The following WDR72 variants were observed in gnomAD, a reference collection of about 807,000 sequenced individuals.
The protein encoded by WDR72 is WD repeat-containing protein 72.
In WDR72, 120 loss-of-function variants were observed where a neutral mutation model predicts 124.2. That is an observed-to-expected ratio of 0.97 (90% CI 0.83 to 1.12). The LOEUF is 1.12. Ranked by LOEUF, WDR72 falls within the 50% of genes most tolerant of loss-of-function variation. The pLI, the probability that WDR72 is intolerant of heterozygous loss-of-function variation, is 0.00. For missense variants in WDR72, 1,387 were observed against 1,278.8 expected (o/e 1.08, Z -1.29); for synonymous variants, 452 against 441.7 (o/e 1.02, Z -0.29).
At chr15:53,568,917 C>T (rs1906430) in intron 18 of WDR72, among the ~76,000 whole-genome samples, 15,386 of 151,818 alleles carry the variant, frequency 0.1, 1,024 homozygotes, top group African/African-American at 0.18. Flanking sequence ...AAGAATGGTA[C>T]GATATATACT....
chr15:53,675,362 A>G (rs1170307823), intron 13 of WDR72, among the ~76,000 whole-genome samples: 3 of 151,318 alleles, frequency 2.0e-5, no homozygotes, highest in Non-Finnish European at 4.4e-5. Flanking sequence ...AAAAAAATCT[A>G]CTATGACTAA....
At chr15:53,582,239 A>C (rs2011967085) in intron 18 of WDR72, among the ~76,000 whole-genome samples, 1 of 151,932 alleles carries the variant, frequency 6.6e-6, no homozygotes, top group African/African-American at 2.4e-5. Flanking sequence ...GAAAGAGACA[A>C]CTCGGCTAAG....
chr15:53,755,824 T>A (rs1337642227), intron 1 of WDR72, among the ~76,000 whole-genome samples: 1 of 152,180 alleles, frequency 6.6e-6, no homozygotes, highest in Non-Finnish European at 1.5e-5. Context: ...GGAAGTCCAA[T>A]TACTGAAACA....
chr15:53,591,780 T>A (rs1372004643), intron 18 of WDR72, among the ~76,000 whole-genome samples: 2 of 151,858 alleles, frequency 1.3e-5, no homozygotes, highest in Non-Finnish European at 2.9e-5. Context: ...GCCATTTACA[T>A]CTTGTTTTCT....
chr15:53,692,519 A>G (rs2016876550), intron 13 of WDR72, among the ~76,000 whole-genome samples: 1 of 152,206 alleles, frequency 6.6e-6, no homozygotes, highest in African/African-American at 2.4e-5. Context: ...TTTATGTAAT[A>G]TAGAATAAAA....
At chr15:53,650,043 G>A (rs2015176643) in intron 14 of WDR72, among the ~76,000 whole-genome samples, 1 of 152,098 alleles carries the variant, frequency 6.6e-6, no homozygotes, top group Non-Finnish European at 1.5e-5. Context: ...TAATCTAAAA[G>A]TTCATTAGCA....
chr15:53,679,630 A>G (rs1431333190), intron 13 of WDR72, among the ~76,000 whole-genome samples: 1 of 152,198 alleles, frequency 6.6e-6, no homozygotes, highest in Non-Finnish European at 1.5e-5. Context: ...CTTGGCAGTG[A>G]GGTATAGGAA....
At position 53,513,790 on chromosome 15, in the gene WDR72, A is replaced by G. The variant is rs1394424018; in HGVS notation, c.*3909T>C. ...ATATTTATAAAAATTAAATTACTGCAAAAACTCCACAACATCAACATTTTA... is the reference window on the plus strand; with the variant it reads ...ATATTTATAAAAATTAAATTACTGCGAAAACTCCACAACATCAACATTTTA... On this transcript the variant is annotated 3_prime_UTR_variant, in exon 20 of 20. Transcript: ENST00000360509. 1 of 152,186 alleles carries G rather than the reference A, an allele frequency of 6.6e-6. No homozygotes were observed. Among genetic ancestry groups the G allele is most frequent in the Admixed American group, 6.5e-5 (1 of 15,278 alleles). The allele number at this position is 152,186 out of a possible 1,614,324, so 9.4% of individuals were successfully genotyped here.
At chr15:53,647,998 A>G (rs2015103137) in intron 14 of WDR72, among the ~76,000 whole-genome samples, 1 of 152,102 alleles carries the variant, frequency 6.6e-6, no homozygotes, top group Admixed American at 6.6e-5. Context: ...TCTCATGCTT[A>G]CGTGCATTAT....
chr15:53,518,422 T>G (rs1293463480), intron 19 of WDR72, among the ~76,000 whole-genome samples: 1 of 151,386 alleles, frequency 6.6e-6, no homozygotes, highest in African/African-American at 2.4e-5. Flanking sequence ...ATACTAACTG[T>G]GTGTGTGTGT....
rs911744177 is a variant in WDR72 at position 53,516,499 on chromosome 15, A to G, written c.*1200T>C. The G allele has an allele frequency of 6.6e-6, 1 of 152,018 alleles. No homozygotes were observed. The highest frequency in any genetic ancestry group is 6.6e-5 in the Admixed American group (1 of 15,234). 9.4% of individuals were successfully genotyped at this position (152,018 alleles called of 1,614,324 possible). A position where few individuals can be genotyped will look rare whatever the true frequency, so the allele number is the denominator to read the frequency against. Reference sequence around the variant, plus strand: ...TAGATACATACATAGATATAGCTATATATCATATATTTAATGCTTTATATC... The same window carrying G: ...TAGATACATACATAGATATAGCTATGTATCATATATTTAATGCTTTATATC... On this transcript the variant is annotated 3_prime_UTR_variant, in exon 20 of 20. Transcript: ENST00000360509.
At chr15:53,749,345 A>T (rs2018719570) in intron 1 of WDR72, among the ~76,000 whole-genome samples, 1 of 152,048 alleles carries the variant, frequency 6.6e-6, no homozygotes, top group Non-Finnish European at 1.5e-5. Flanking sequence ...GTGGTCTGTG[A>T]TCGTAAATAT....
chr15:53,762,350 A>T (rs80197338), upstream of WDR72, among the ~76,000 whole-genome samples: 146 of 151,984 alleles, frequency 9.6e-4, 2 homozygotes, highest in East Asian at 0.027. Context: ...TGTGCTTGTT[A>T]CTCACTCCTA....
At chr15:53,665,794 A>G in intron 13 of WDR72, 26 bp from the exon 14 acceptor site, 2 of 1,608,428 alleles carry the variant, frequency 1.2e-6, no homozygotes, top group Non-Finnish European at 1.7e-6. Flanking sequence ...AGAGGTAAAA[A>G]TGTCAGGAAA....
At chr15:53,587,215 C>T (rs2140325498) in intron 18 of WDR72, among the ~76,000 whole-genome samples, 1 of 152,106 alleles carries the variant, frequency 6.6e-6, no homozygotes, top group East Asian at 1.9e-4. Context: ...TTCCCAAGTC[C>T]AGAACATAAC....
chr15:53,615,652 C>T lies in WDR72; in HGVS notation c.2554G>A (p.Gly852Arg). 1.2e-6 allele frequency: 2 copies of T among 1,611,696 alleles called. No individual in the cohort carries two copies. Among genetic ancestry groups the T allele is most frequent in the Non-Finnish European group, 1.7e-6 (2 of 1,178,674 alleles). ...ACTCCTGAATAGTCTTTTATCATTC[C>T]ACTATTGCATAAATCCCAACCTGGC... is the stretch of plus-strand genomic sequence containing the variant. The part of the protein sequence containing the change: ...MLPGWDLCNS[G>R]MIKDYSGVNL... Residue 852 changes from glycine to arginine, a missense_variant, in exon 15 of 20, where the codon GGA becomes AGA. Transcript: ENST00000360509.
At chr15:53,521,983 C>T (rs1408295507) in intron 19 of WDR72, among the ~76,000 whole-genome samples, 1 of 151,980 alleles carries the variant, frequency 6.6e-6, no homozygotes, top group Non-Finnish European at 1.5e-5. Flanking sequence ...GCTCATTAAA[C>T]ATTTCTGTCA....
chr15:53,589,146 T>C (rs2012367469), intron 18 of WDR72, among the ~76,000 whole-genome samples: 1 of 151,582 alleles, frequency 6.6e-6, no homozygotes, highest in African/African-American at 2.4e-5. Flanking sequence ...CAGTCAAGAG[T>C]GAAATAACTA....
At chr15:53,681,538 C>A (rs79915263) in intron 13 of WDR72, among the ~76,000 whole-genome samples, 1 of 152,088 alleles carries the variant, frequency 6.6e-6, no homozygotes, top group Non-Finnish European at 1.5e-5. Context: ...CCACAGGAAT[C>A]GCTAAAACTG....
Sources: allele counts gnomAD v4.1 joint callset (sites outside exome capture counted in the v4.1 genomes callset), GRCh38; gene constraint gnomAD v4.1.1; transcripts MANE v1.5; gene names NCBI Gene and HGNC (gene_info 2026-07-23, HGNC 2026-07-21).